DVL3: variants seen among roughly 807,000 people sequenced by gnomAD.
DVL3 encodes dishevelled segment polarity protein 3, also known as segment polarity protein dishevelled homolog DVL-3.
A neutral mutation model predicts 67.4 loss-of-function variants in DVL3; 27 were observed. The observed-to-expected ratio is 0.40, with a 90% CI of 0.30 to 0.55. The LOEUF is 0.55. Ranked by LOEUF, DVL3 falls within the 20% of genes least tolerant of loss-of-function variation. DVL3 has a pLI of 0.46. For missense variants in DVL3, 819 were observed against 1,021.5 expected, an observed-to-expected ratio of 0.80 and a Z score of 2.70; for synonymous variants, 369 against 396.8, an observed-to-expected ratio of 0.93 and a Z score of 0.83.
In DVL3 at chr3:184,171,430, C is replaced by G; in HGVS notation, c.*675C>G. 1 of 991,062 alleles carries G rather than the reference C, an allele frequency of 1.0e-6. No individual in the cohort carries two copies. Among genetic ancestry groups the G allele is most frequent in the Non-Finnish European group, 1.2e-6 (1 of 833,858 alleles). The allele number at this position is 991,062 out of a possible 1,614,324, so 61.4% of individuals were successfully genotyped here. On this transcript the variant is annotated 3_prime_UTR_variant, in exon 15 of 15. Coordinates refer to ENST00000313143, the MANE Select transcript of DVL3 (RefSeq NM_004423.4). ...TCCAGGGAGCATCTCTGCTCTACCC[C>G]TGCCCCATGCCTGCCCTGCGTGCTG...
rs1158081307 is a variant in DVL3, at chr3:184,155,602, C to A, written c.-34C>A. The stretch of plus-strand genomic sequence containing the variant: ...GGCTCGGCCCGGCCGCCCGAGCAGG[C>A]CGCGCGCGGGCCGCCGGGCCCGAGG... On this transcript the variant is annotated 5_prime_UTR_variant, in exon 1 of 15. Coordinates refer to ENST00000313143, the MANE Select transcript of DVL3 (RefSeq NM_004423.4). The surrounding 1 kb of genome is among the most constrained non-coding windows in gnomAD (Gnocchi z 5.4). The A allele has an allele frequency of 8.1e-6, 10 of 1,234,120 alleles. No homozygotes were observed. Among genetic ancestry groups the A allele is most frequent in the Non-Finnish European group, 1.0e-5 (10 of 977,376 alleles). The allele number at this position is 1,234,120 out of a possible 1,614,324, so 76.4% of individuals were successfully genotyped here.
In DVL3 at chr3:184,172,469, C is replaced by T. The variant is rs1306952184; in HGVS notation, c.*1714C>T. The T allele has an allele frequency of 6.6e-6, 1 of 152,126 alleles. No homozygotes were observed. Among genetic ancestry groups the T allele is most frequent in the Non-Finnish European group, 1.5e-5 (1 of 68,050 alleles). The allele number at this position is 152,126 out of a possible 1,614,324, so 9.4% of individuals were successfully genotyped here. ...ACTTCCTTGGACGGGTGCGGTGGCT[C>T]ACGTCTGTAATCCCAGCACTTTGGG... On this transcript the variant is annotated 3_prime_UTR_variant, in exon 15 of 15. Transcript: ENST00000313143.
Position 184,165,031 on chromosome 3 carries a change from T to G in DVL3, c.600-82T>G, listed in dbSNP as rs755804200. On this transcript the variant is annotated intron_variant, in intron 5 of 14. Transcript: ENST00000313143. This position sits in a 1 kb window ranked among gnomAD's most constrained non-coding sequence, Gnocchi z 4.1. The stretch of plus-strand genomic sequence containing the variant: ...CCTGGGAGGCTTATGGGCTTTGTGT[T>G]GGGGACCCAGGCCCTGCAGTGCCTC... The G allele has an allele frequency of 2.5e-6, 4 of 1,608,250 alleles. No individual in the cohort carries two copies. The African/African-American group carries it at 5.4e-5, about 22-fold the overall frequency.
At position 184,171,310 on chromosome 3, in the gene DVL3, C is replaced by T. The variant is rs149535046; in HGVS notation, c.*555C>T. 4.0e-5 allele frequency: 41 copies of T among 1,023,722 alleles called. No homozygotes were observed. The African/African-American group carries it at 6.2e-4, about 16-fold the overall frequency. 63.4% of individuals were successfully genotyped at this position (1,023,722 alleles called of 1,614,324 possible). Reference sequence around the variant, plus strand: ...GCTGCCTCAGTCCTGCAACCTAAAGCTGTAGTCGCCTCCAATAGCCATCCA... The same window carrying T: ...GCTGCCTCAGTCCTGCAACCTAAAGTTGTAGTCGCCTCCAATAGCCATCCA... On this transcript the variant is annotated 3_prime_UTR_variant, in exon 15 of 15. Transcript: ENST00000313143.
In DVL3 at chr3:184,165,083, C is replaced by T; in HGVS notation, c.600-30C>T. 6.2e-7 allele frequency: 1 copy of T among 1,613,520 alleles called. No individual in the cohort carries two copies. Among genetic ancestry groups the T allele is most frequent in the South Asian group, 1.1e-5 (1 of 90,980 alleles). The stretch of plus-strand genomic sequence containing the variant: ...CCTCATGGGGGCAGGGCTGGGCCAG[C>T]CTGGTGGGGAACGACTGTGGGCCCC... On this transcript the variant is annotated intron_variant, in intron 5 of 14. Coordinates refer to ENST00000313143, the MANE Select transcript of DVL3 (RefSeq NM_004423.4). The surrounding 1 kb of genome is among the most constrained non-coding windows in gnomAD (Gnocchi z 4.1).
chr3:184,160,466 G>T (rs999602233), intron 1 of DVL3, among the ~76,000 whole-genome samples: 1 of 152,150 alleles, frequency 6.6e-6, no homozygotes, highest in Non-Finnish European at 1.5e-5. Context: ...ACTTCTCTAA[G>T]ATAAGAGGGC....
chr3:184,164,766 T>G lies in DVL3; in HGVS notation c.464-30T>G, dbSNP rs374157049. Reference sequence around the variant, plus strand: ...TCCTTCACCCCTGCACTGGGCACTGTGTAAACCCAACTGCTTCCATCCCCT... The same window carrying G: ...TCCTTCACCCCTGCACTGGGCACTGGGTAAACCCAACTGCTTCCATCCCCT... On this transcript the variant is annotated intron_variant, in intron 4 of 14. Transcript: ENST00000313143. This position sits in a 1 kb window ranked among gnomAD's most constrained non-coding sequence, Gnocchi z 5.3. 6.2e-7 allele frequency: 1 copy of G among 1,613,906 alleles called. No homozygotes were observed. The highest frequency in any genetic ancestry group is 8.5e-7 in the Non-Finnish European group (1 of 1,179,958).
intron 13 of DVL3, among the ~76,000 whole-genome samples, chr3:184,168,558 C>T (rs923706710): frequency 1.3e-5 from 2 of 152,204 alleles, no homozygotes; most frequent in African/African-American, 4.8e-5. Flanking sequence ...CCTCCACCAC[C>T]ACTCCCCATG....
intron 13 of DVL3, among the ~76,000 whole-genome samples, chr3:184,168,914 A>G (rs1714696306): frequency 6.6e-6 from 1 of 152,054 alleles, no homozygotes; most frequent in African/African-American, 2.4e-5. Flanking sequence ...GAGATGAGTA[A>G]TGTTGGTGGA....
chr3:184,167,126 C>A lies in DVL3; in HGVS notation c.1198+151C>A. ...GCAACCCCACACTGCAACTCCCCCA[C>A]AGCGGGCACTCCAACCCTCACTAAA... On this transcript the variant is annotated intron_variant, in intron 11 of 14. Coordinates refer to ENST00000313143, the MANE Select transcript of DVL3 (RefSeq NM_004423.4). The surrounding 1 kb of genome is among the most constrained non-coding windows in gnomAD (Gnocchi z 4.6). 1 of 998,020 alleles carries A rather than the reference C, an allele frequency of 1.0e-6. No homozygotes were observed. The highest frequency in any genetic ancestry group is 1.5e-6 in the Non-Finnish European group (1 of 677,338). 61.8% of individuals were successfully genotyped at this position (998,020 alleles called of 1,614,324 possible).
Position 184,163,560 on chromosome 3 carries a change from T to A in DVL3, c.162-97T>A, listed in dbSNP as rs1714458164. The A allele has an allele frequency of 1.9e-6, 2 of 1,072,568 alleles. No individual in the cohort carries two copies. The highest frequency in any genetic ancestry group is 3.4e-5 in the Admixed American group (2 of 59,300). 66.4% of individuals were successfully genotyped at this position (1,072,568 alleles called of 1,614,324 possible). On this transcript the variant is annotated intron_variant, in intron 1 of 14. Coordinates refer to ENST00000313143, the MANE Select transcript of DVL3 (RefSeq NM_004423.4). The surrounding 1 kb of genome is among the most constrained non-coding windows in gnomAD (Gnocchi z 4.5). ...AACAGTCTTGTGCTGGTGGTTTGAT[T>A]CCCAGTTTAGGATGGAGGAGCCCCT...
chr3:184,163,824 G>A lies in DVL3; in HGVS notation c.231+98G>A, dbSNP rs1018724447. 5 of 1,068,254 alleles carry A rather than the reference G, an allele frequency of 4.7e-6. No individual in the cohort carries two copies. Among genetic ancestry groups the A allele is most frequent in the South Asian group, 2.7e-5 (2 of 72,738 alleles). The allele number at this position is 1,068,254 out of a possible 1,614,324, so 66.2% of individuals were successfully genotyped here. A position where few individuals can be genotyped will look rare whatever the true frequency, so the allele number is the denominator to read the frequency against. On this transcript the variant is annotated intron_variant, in intron 2 of 14. Transcript: ENST00000313143. This position sits in a 1 kb window ranked among gnomAD's most constrained non-coding sequence, Gnocchi z 4.5. ...TTGTAGCTGGTGGTTTTAAGCTTCA[G>A]TATCTGAATCTTTCTTTAGTTTTGC...
At position 184,167,034 on chromosome 3, in the gene DVL3, G is replaced by C. The variant is rs1714618843; in HGVS notation, c.1198+59G>C. The C allele has an allele frequency of 1.3e-6, 2 of 1,586,048 alleles. No individual in the cohort carries two copies. Among genetic ancestry groups the C allele is most frequent in the Admixed American group, 3.4e-5 (2 of 58,598 alleles). ...GACAGGGCCAGGTGGGGGGACTGATGAGGGTCCATGTGGAGACTCTTGCTT... is the reference window on the plus strand; with the variant it reads ...GACAGGGCCAGGTGGGGGGACTGATCAGGGTCCATGTGGAGACTCTTGCTT... On this transcript the variant is annotated intron_variant, in intron 11 of 14. Coordinates refer to ENST00000313143, the MANE Select transcript of DVL3 (RefSeq NM_004423.4). The surrounding 1 kb of genome is among the most constrained non-coding windows in gnomAD (Gnocchi z 4.6).
intron 1 of DVL3, among the ~76,000 whole-genome samples, chr3:184,160,696 G>A (rs1714350722): frequency 6.6e-6 from 1 of 152,176 alleles, no homozygotes; most frequent in African/African-American, 2.4e-5. Context: ...AGAAAGAGAG[G>A]AAACGTGTAG....
intron 1 of DVL3, among the ~76,000 whole-genome samples, chr3:184,156,092 C>T (rs1288982843): frequency 6.6e-6 from 1 of 152,180 alleles, no homozygotes; most frequent in African/African-American, 2.4e-5. Context: ...CCCACAGAGA[C>T]AGACACACCC....
chr3:184,155,534 G>T lies in DVL3; in HGVS notation c.-102G>T. On this transcript the variant is annotated 5_prime_UTR_variant, in exon 1 of 15. Coordinates refer to ENST00000313143, the MANE Select transcript of DVL3 (RefSeq NM_004423.4). The surrounding 1 kb of genome is among the most constrained non-coding windows in gnomAD (Gnocchi z 5.4). ...GGCGCCGCCAGCAGCCGCCGAGCTGGGTTGAGCCGCTGGGCCGCGCCGCGC... is the reference window on the plus strand; with the variant it reads ...GGCGCCGCCAGCAGCCGCCGAGCTGTGTTGAGCCGCTGGGCCGCGCCGCGC... 6 of 759,654 alleles carry T rather than the reference G, an allele frequency of 7.9e-6. No homozygotes were observed. The highest frequency in any genetic ancestry group is 9.6e-6 in the Non-Finnish European group (6 of 623,512). 47.1% of individuals were successfully genotyped at this position (759,654 alleles called of 1,614,324 possible).
chr3:184,164,354 G>A lies in DVL3; in HGVS notation c.319G>A (p.Gly107Arg). The change falls in exon 3 of 15, where the codon GGA becomes AGA. Residue 107 changes from glycine (G) to arginine (R), a missense_variant. Transcript: ENST00000313143. The surrounding 1 kb of genome is among the most constrained non-coding windows in gnomAD (Gnocchi z 5.3). ...GCTGCCACCACCTATGGAGCGCACG[G>A]GAGGCATCGGGGACTCCCGACCCCC... ...SELPPPMERT[G>R]GIGDSRPPSF... The A allele has an allele frequency of 6.2e-7, 1 of 1,614,080 alleles. No individual in the cohort carries two copies. The highest frequency in any genetic ancestry group is 8.5e-7 in the Non-Finnish European group (1 of 1,180,000).
At position 184,171,483 on chromosome 3, in the gene DVL3, C is replaced by A; in HGVS notation, c.*728C>A. On this transcript the variant is annotated 3_prime_UTR_variant, in exon 15 of 15. Coordinates refer to ENST00000313143, the MANE Select transcript of DVL3 (RefSeq NM_004423.4). The stretch of plus-strand genomic sequence containing the variant: ...TCCTTCAGACCCCTAACCCTACTAA[C>A]CAGCAGGCTCATCTCACCTCCAGGC... 1.0e-6 allele frequency: 1 copy of A among 986,020 alleles called. No individual in the cohort carries two copies. The highest frequency in any genetic ancestry group is 1.2e-6 in the Non-Finnish European group (1 of 830,052). 61.1% of individuals were successfully genotyped at this position (986,020 alleles called of 1,614,324 possible). A position where few individuals can be genotyped will look rare whatever the true frequency, so the allele number is the denominator to read the frequency against.
At chr3:184,168,644 C>T (rs1714684550) in intron 13 of DVL3, among the ~76,000 whole-genome samples, 1 of 152,234 alleles carries the variant, frequency 6.6e-6, no homozygotes, top group Admixed American at 6.5e-5. Flanking sequence ...TGTCTCCTGA[C>T]TTCTCTCTTG....
Sources: allele counts gnomAD v4.1 joint callset (sites outside exome capture counted in the v4.1 genomes callset), GRCh38; gene constraint gnomAD v4.1.1; non-coding constraint Gnocchi (gnomAD v3.1); transcripts MANE v1.5; gene names NCBI Gene and HGNC (gene_info 2026-07-23, HGNC 2026-07-21).